Variants in RAB3IP observed in about 807,000 individuals in gnomAD.
RAB3IP encodes the protein RAB3A interacting protein.
Under a neutral mutation model 59.1 loss-of-function variants are expected in RAB3IP, and 36 were observed. The ratio of observed to expected loss-of-function variants is 0.61; its 90% CI spans 0.47 to 0.80. The LOEUF (loss-of-function observed/expected upper bound fraction) is 0.80, where lower values mean the gene tolerates loss of function less well. Among genes scored for constraint, RAB3IP ranks in the 30% least tolerant of loss-of-function variants. RAB3IP has a pLI of 0.00. For synonymous variants in RAB3IP, 207 were observed against 191.2 expected (o/e 1.08, Z -0.68); for missense variants, 511 against 536.0 (o/e 0.95, Z 0.46).
At chr12:69,743,153 C>T (rs1167175422) in intron 1 of RAB3IP, among the ~76,000 whole-genome samples, 1 of 152,064 alleles carries the variant, frequency 6.6e-6, no homozygotes, top group Non-Finnish European at 1.5e-5. Flanking sequence ...CATAAAGGAG[C>T]ATATAGATGA....
intron 3 of RAB3IP, among the ~76,000 whole-genome samples, chr12:69,771,398 A>T (rs1592514987): frequency 6.6e-6 from 1 of 152,034 alleles, no homozygotes; most frequent in Non-Finnish European, 1.5e-5. Context: ...ATGGTGGTGC[A>T]TGCCTGTGTT....
chr12:69,746,319 T>C (rs1394205942), intron 1 of RAB3IP, among the ~76,000 whole-genome samples: 1 of 152,226 alleles, frequency 6.6e-6, no homozygotes, highest in East Asian at 1.9e-4. Context: ...AGTCTGCCTC[T>C]CCAGCCTGCT....
chr12:69,767,742 A>G (rs1039375450), intron 3 of RAB3IP, among the ~76,000 whole-genome samples: 3 of 152,072 alleles, frequency 2.0e-5, no homozygotes, highest in Non-Finnish European at 2.9e-5. Context: ...AACCAAGCAT[A>G]CAGGTGCTTT....
chr12:69,741,297 A>T (rs765034357), intron 1 of RAB3IP, among the ~76,000 whole-genome samples: 1 of 152,190 alleles, frequency 6.6e-6, no homozygotes, highest in Admixed American at 6.5e-5. Flanking sequence ...GAAAGTTGCG[A>T]TAATTTGTCT....
At chr12:69,747,494 G>A (rs1868521244) in intron 1 of RAB3IP, among the ~76,000 whole-genome samples, 1 of 152,120 alleles carries the variant, frequency 6.6e-6, no homozygotes, top group Non-Finnish European at 1.5e-5. Flanking sequence ...TAGAGATGGG[G>A]TCTCGCTATG....
At chr12:69,767,630 T>G (rs1872437466) in intron 3 of RAB3IP, among the ~76,000 whole-genome samples, 1 of 152,056 alleles carries the variant, frequency 6.6e-6, no homozygotes, top group South Asian at 2.1e-4. Context: ...TCTAAGAGAG[T>G]TGGTGCTCCA....
chr12:69,739,561 T>G (rs1241321203), intron 1 of RAB3IP: 1 of 507,448 alleles, frequency 2.0e-6, no homozygotes, highest in Non-Finnish European at 3.5e-6. Flanking sequence ...CTTAGGAAAC[T>G]ACGCGCGAGG....
intron 4 of RAB3IP, among the ~76,000 whole-genome samples, chr12:69,788,474 G>A (rs75305421): frequency 0.021 from 3,244 of 152,164 alleles, 118 homozygotes; most frequent in African/African-American, 0.074. Flanking sequence ...TGGGACCACT[G>A]TCATATATGC....
rs569420962 is a variant in RAB3IP at position 69,754,077 on chromosome 12, A to G, written c.-25-1307A>G. Among the ~76,000 whole-genome samples the G allele has an allele frequency of 6.6e-5, 10 of 152,266 alleles. No homozygotes were observed. The South Asian group carries it at 1.5e-3, about 22-fold the overall frequency. On this transcript the variant is annotated intron_variant, in intron 1 of 10. Coordinates refer to ENST00000247833, the MANE Select transcript of RAB3IP (RefSeq NM_022456.5). ...ATTGTCTCCTTCAATCCTCACAGCA[A>G]CCAGGACAAGGGAGGGGCTAGTGTT... is the stretch of plus-strand genomic sequence containing the variant.
chr12:69,820,980 A>G lies in RAB3IP; in HGVS notation c.*5534A>G, dbSNP rs1264846614. 1.3e-5 allele frequency: 2 copies of G among 152,212 alleles called. No individual in the cohort carries two copies. The highest frequency in any genetic ancestry group is 2.9e-5 in the Non-Finnish European group (2 of 68,042). 9.4% of individuals were successfully genotyped at this position (152,212 alleles called of 1,614,324 possible). On this transcript the variant is annotated 3_prime_UTR_variant, in exon 11 of 11. Coordinates refer to ENST00000247833, the MANE Select transcript of RAB3IP (RefSeq NM_022456.5). ...ATGAAAATTTGCAAAACTTAAAAAA[A>G]AAATGTAGAAGAGGACTAAACTTGA... is the stretch of plus-strand genomic sequence containing the variant.
At chr12:69,761,377 T>C (rs1437569477) in intron 3 of RAB3IP, among the ~76,000 whole-genome samples, 1 of 152,216 alleles carries the variant, frequency 6.6e-6, no homozygotes, top group Non-Finnish European at 1.5e-5. Flanking sequence ...TTGTTTTTCA[T>C]TTCTAGGGGA....
chr12:69,741,152 A>C (rs1403252162), intron 1 of RAB3IP, among the ~76,000 whole-genome samples: 1 of 152,266 alleles, frequency 6.6e-6, no homozygotes. Flanking sequence ...GAAGGGGAGA[A>C]GGAACCAGTG....
At position 69,820,207 on chromosome 12, in the gene RAB3IP, A is replaced by G. The variant is rs1274833756; in HGVS notation, c.*4761A>G. ...GTATTTGTGTTTAACTTTTGTGCTTAACAGATCTGCCATGGCTGAACTCTC... is the reference window on the plus strand; with the variant it reads ...GTATTTGTGTTTAACTTTTGTGCTTGACAGATCTGCCATGGCTGAACTCTC... On this transcript the variant is annotated 3_prime_UTR_variant, in exon 11 of 11. Transcript: ENST00000247833. The G allele has an allele frequency of 1.3e-5, 2 of 152,168 alleles. No individual in the cohort carries two copies. The highest frequency in any genetic ancestry group is 2.9e-5 in the Non-Finnish European group (2 of 68,060). The allele number at this position is 152,168 out of a possible 1,614,324, so 9.4% of individuals were successfully genotyped here. A position where few individuals can be genotyped will look rare whatever the true frequency, so the allele number is the denominator to read the frequency against.
rs1446657361 is a variant in RAB3IP, at chr12:69,821,437, T to C, written c.*5991T>C. ...TTAAATCCTATTTCCAGCAGCTGGA[T>C]TGTGCTCTCAGTGGAGTGCTCTGGA... On this transcript the variant is annotated 3_prime_UTR_variant, in exon 11 of 11. Coordinates refer to ENST00000247833, the MANE Select transcript of RAB3IP (RefSeq NM_022456.5). 1 of 152,214 alleles carries C rather than the reference T, an allele frequency of 6.6e-6. No individual in the cohort carries two copies. Among genetic ancestry groups the C allele is most frequent in the Non-Finnish European group, 1.5e-5 (1 of 68,030 alleles). 9.4% of individuals were successfully genotyped at this position (152,214 alleles called of 1,614,324 possible). A position where few individuals can be genotyped will look rare whatever the true frequency, so the allele number is the denominator to read the frequency against.
intron 3 of RAB3IP, among the ~76,000 whole-genome samples, chr12:69,763,667 A>T (rs1217573735): frequency 6.6e-6 from 1 of 151,880 alleles, no homozygotes; most frequent in African/African-American, 2.4e-5. Context: ...TATTACCTGG[A>T]TATATTGTAT....
At chr12:69,801,556 T>G in intron 7 of RAB3IP, 53 bp from the exon 8 acceptor site, 2 of 1,093,564 alleles carry the variant, frequency 1.8e-6, no homozygotes, top group Non-Finnish European at 2.6e-6. Context: ...TAGAATACAA[T>G]TTTGATATTT....
intron 3 of RAB3IP, among the ~76,000 whole-genome samples, chr12:69,767,505 C>T (rs560272147): frequency 3.4e-4 from 52 of 152,368 alleles, no homozygotes; most frequent in African/African-American, 1.2e-3. Context: ...CCAGTGCTGA[C>T]GGTGAATCCA....
At chr12:69,762,756 C>CAAAAAAAAAAAAAAAAAAAAAAAAAAA in intron 3 of RAB3IP, among the ~76,000 whole-genome samples, 1 of 76,756 alleles carries the variant, frequency 1.3e-5, no homozygotes, top group Non-Finnish European at 2.3e-5. Context: ...GACTCCGTCT[C>CAAAAAAAAAAAAAAAAAAAAAAAAAAA]AAAAAAAAAA....
intron 8 of RAB3IP, among the ~76,000 whole-genome samples, chr12:69,810,356 TGAG>T (rs1309146133): frequency 1.3e-5 from 2 of 152,134 alleles, no homozygotes; most frequent in South Asian, 2.1e-4. Context: ...GGGAGCCACT[TGAG>T]GAGGCAGTCT....
Sources: allele counts gnomAD v4.1 joint callset (sites outside exome capture counted in the v4.1 genomes callset), GRCh38; gene constraint gnomAD v4.1.1; transcripts MANE v1.5; gene names NCBI Gene and HGNC (gene_info 2026-07-23, HGNC 2026-07-21).